Variants in ATP13A3 observed in about 807,000 individuals in gnomAD.
The protein encoded by ATP13A3 is ATPase 13A3.
ATP13A3 carries 59 observed loss-of-function variants against 158.1 expected under a neutral mutation model. That is an observed-to-expected ratio of 0.37 (90% CI 0.30 to 0.46). The LOEUF is 0.46. ATP13A3 is among the 20% of genes least tolerant of loss of function. ATP13A3 has a pLI of 1.00. For synonymous variants in ATP13A3, 491 were observed against 504.3 expected (o/e 0.97, Z 0.35); for missense variants, 1,166 against 1,525.2 (o/e 0.76, Z 3.92).
At position 194,448,056 on chromosome 3, in the gene ATP13A3, G is replaced by C. The variant is rs1367438137; in HGVS notation, c.1151-47C>G. On this transcript the variant is annotated intron_variant, in intron 12 of 33. Coordinates refer to ENST00000645319, the MANE Select transcript of ATP13A3 (RefSeq NM_001367549.1). The surrounding 1 kb of genome is among the most constrained non-coding windows in gnomAD (Gnocchi z 4.0). Reference sequence around the variant, plus strand: ...TATTGATATTTTTATAAGAAAATGAGAATTATCTCCCAAAACAGAATCTCT... The same window carrying C: ...TATTGATATTTTTATAAGAAAATGACAATTATCTCCCAAAACAGAATCTCT... 6.8e-7 allele frequency: 1 copy of C among 1,469,380 alleles called. No homozygotes were observed. The highest frequency in any genetic ancestry group is 2.3e-5 in the East Asian group (1 of 44,006). The allele number at this position is 1,469,380 out of a possible 1,614,324, so 91.0% of individuals were successfully genotyped here.
intron 28 of ATP13A3, among the ~76,000 whole-genome samples, chr3:194,427,670 TA>T (rs1560080002): frequency 3.4e-5 from 5 of 148,502 alleles, no homozygotes; most frequent in South Asian, 2.1e-4. Context: ...AATAAATAAA[TA>T]AATAAATAAA....
At position 194,405,436 on chromosome 3, in the gene ATP13A3, A is replaced by C. The variant is rs1342389250; in HGVS notation, c.*483T>G. On this transcript the variant is annotated 3_prime_UTR_variant, in exon 34 of 34. Coordinates refer to ENST00000645319, the MANE Select transcript of ATP13A3 (RefSeq NM_001367549.1). ...GGAAGAAACATTGGAATCAAATGAA[A>C]ACAGGCTTTCAGTATATTTTCACTG... The C allele has an allele frequency of 1.3e-5, 2 of 156,272 alleles. No homozygotes were observed. Among genetic ancestry groups the C allele is most frequent in the Non-Finnish European group, 2.8e-5 (2 of 70,678 alleles). The allele number at this position is 156,272 out of a possible 1,614,324, so 9.7% of individuals were successfully genotyped here. A position where few individuals can be genotyped will look rare whatever the true frequency, so the allele number is the denominator to read the frequency against.
At chr3:194,425,590 C>T in intron 29 of ATP13A3, 61 bp from the exon 30 acceptor site, 1 of 1,357,134 alleles carries the variant, frequency 7.4e-7, no homozygotes, top group Non-Finnish European at 1.0e-6. Context: ...CCAAAAGAAA[C>T]CAATCTTACC....
At chr3:194,455,362 T>C (rs1719150678) in intron 8 of ATP13A3, among the ~76,000 whole-genome samples, 1 of 152,200 alleles carries the variant, frequency 6.6e-6, no homozygotes, top group South Asian at 2.1e-4. Flanking sequence ...CTTTCATATA[T>C]AGTCTCATTT....
rs1577071471 is a variant in ATP13A3, at chr3:194,453,600, A to T, written c.838+106T>A. Reference sequence around the variant, plus strand: ...AGTGACAGAGACACTGACTCAATCAATCAATCAATCAAAGAATGTATATGT... The same window carrying T: ...AGTGACAGAGACACTGACTCAATCATTCAATCAATCAAAGAATGTATATGT... On this transcript the variant is annotated intron_variant, in intron 10 of 33. Transcript: ENST00000645319. 3.6e-6 allele frequency: 3 copies of T among 842,946 alleles called. No homozygotes were observed. The East Asian group carries it at 8.1e-5, about 23-fold the overall frequency. The allele number at this position is 842,946 out of a possible 1,614,324, so 52.2% of individuals were successfully genotyped here. A position where few individuals can be genotyped will look rare whatever the true frequency, so the allele number is the denominator to read the frequency against.
chr3:194,443,237 A>G (rs1306860286), intron 15 of ATP13A3, among the ~76,000 whole-genome samples: 1 of 152,212 alleles, frequency 6.6e-6, no homozygotes, highest in African/African-American at 2.4e-5. Context: ...AACCAAAAGT[A>G]TCTTACAGTC....
At chr3:194,468,744 A>C (rs1310256557) in intron 2 of ATP13A3, among the ~76,000 whole-genome samples, 1 of 152,220 alleles carries the variant, frequency 6.6e-6, no homozygotes, top group Non-Finnish European at 1.5e-5. Flanking sequence ...AGGTAATTTC[A>C]CGAAGTGATT....
chr3:194,410,528 C>G (rs1226498541), intron 33 of ATP13A3, among the ~76,000 whole-genome samples: 1 of 151,978 alleles, frequency 6.6e-6, no homozygotes, highest in African/African-American at 2.4e-5. Flanking sequence ...ATGATCACGC[C>G]ACTGCACTCC....
At chr3:194,425,194 A>G in intron 30 of ATP13A3, 148 bp downstream of exon 30, 1 of 819,116 alleles carries the variant, frequency 1.2e-6, no homozygotes, top group East Asian at 2.8e-5. Context: ...CAATGAAAGT[A>G]AAACAAAACG....
chr3:194,490,064 C>T (rs1209305516), upstream of ATP13A3, among the ~76,000 whole-genome samples: 3 of 152,162 alleles, frequency 2.0e-5, no homozygotes, highest in East Asian at 1.9e-4. This position sits in a 1 kb window ranked among gnomAD's most constrained non-coding sequence, Gnocchi z 4.4. Context: ...TAAGGTCTGA[C>T]GTCACTTCTC....
intron 2 of ATP13A3, among the ~76,000 whole-genome samples, chr3:194,477,297 A>G (rs1720567465): frequency 6.6e-6 from 1 of 152,170 alleles, no homozygotes; most frequent in Admixed American, 6.5e-5. Context: ...TTGAACTTAT[A>G]GACTAAAAAC....
chr3:194,436,527 C>T (rs1273155718), intron 20 of ATP13A3, among the ~76,000 whole-genome samples: 2 of 152,024 alleles, frequency 1.3e-5, no homozygotes, highest in Non-Finnish European at 1.5e-5. Context: ...ATAGTGGGCA[C>T]ATAATAATTA....
At chr3:194,467,421 T>C (rs1255509674) in intron 2 of ATP13A3, among the ~76,000 whole-genome samples, 2 of 152,228 alleles carry the variant, frequency 1.3e-5, no homozygotes, top group Non-Finnish European at 2.9e-5. Flanking sequence ...TTTTTAACCA[T>C]ATTACACCAT....
At chr3:194,491,937 T>C (rs560248199), upstream of ATP13A3, among the ~76,000 whole-genome samples, 1 of 152,078 alleles carries the variant, frequency 6.6e-6, no homozygotes, top group Non-Finnish European at 1.5e-5. Context: ...TCCCAGTGGG[T>C]TCCTCTGCTT....
chr3:194,461,128 T>A (rs1179338610), intron 3 of ATP13A3, among the ~76,000 whole-genome samples: 2 of 152,208 alleles, frequency 1.3e-5, no homozygotes, highest in Non-Finnish European at 2.9e-5. Context: ...CCTAGAATGT[T>A]TGCAATTTCA....
chr3:194,441,898 T>C (rs1202154979), intron 15 of ATP13A3, among the ~76,000 whole-genome samples: 1 of 152,146 alleles, frequency 6.6e-6, no homozygotes, highest in African/African-American at 2.4e-5. Flanking sequence ...AAGCTTGTCT[T>C]TTTCCTCACC....
intron 2 of ATP13A3, among the ~76,000 whole-genome samples, chr3:194,470,330 G>T (rs1010559610): frequency 1.3e-5 from 2 of 152,070 alleles, no homozygotes; most frequent in Admixed American, 6.5e-5. Context: ...AACAAAATAA[G>T]CTATAATTAG....
intron 21 of ATP13A3, among the ~76,000 whole-genome samples, chr3:194,432,392 C>G (rs1717291612): frequency 6.6e-6 from 1 of 152,168 alleles, no homozygotes; most frequent in Non-Finnish European, 1.5e-5. Flanking sequence ...ACTTCTCAGT[C>G]ATGAGAAGAA....
At chr3:194,421,111 G>GGT (rs1284255038) in intron 30 of ATP13A3, among the ~76,000 whole-genome samples, 575 of 4,550 alleles carry the variant, frequency 0.13, 85 homozygotes, top group African/African-American at 0.39. Context: ...CAGTGTGTAG[G>GGT]GTGTATATAT....
Sources: allele counts gnomAD v4.1 joint callset (sites outside exome capture counted in the v4.1 genomes callset), GRCh38; gene constraint gnomAD v4.1.1; non-coding constraint Gnocchi (gnomAD v3.1); transcripts MANE v1.5; gene names NCBI Gene and HGNC (gene_info 2026-07-23, HGNC 2026-07-21).